TP63: variants seen among roughly 807,000 people sequenced by gnomAD.
The protein encoded by TP63 is tumor protein 63.
TP63 carries 17 observed loss-of-function variants against 82.8 expected under a neutral mutation model. The ratio of observed to expected loss-of-function variants is 0.21; its 90% CI spans 0.14 to 0.31. The LOEUF is 0.31. TP63 is among the 10% of genes least tolerant of loss of function. The probability of loss-of-function intolerance (pLI) is 1.00; values close to 1 mark genes in which losing one functional copy is unlikely to be tolerated. For missense variants in TP63, 648 were observed against 895.3 expected, an observed-to-expected ratio of 0.72 and a Z score of 3.52; for synonymous variants, 330 against 321.7, an observed-to-expected ratio of 1.03 and a Z score of -0.28.
chr3:189,692,333 CTATT>C (rs1716998415), intron 1 of TP63, among the ~76,000 whole-genome samples: 4 of 151,800 alleles, frequency 2.6e-5, no homozygotes, highest in Admixed American at 2.6e-4. Context: ...CCTCTGTTCT[CTATT>C]TCTTTCTTCT....
chr3:189,687,038 G>A (rs886288376), intron 1 of TP63, among the ~76,000 whole-genome samples: 1 of 151,934 alleles, frequency 6.6e-6, no homozygotes, highest in Non-Finnish European at 1.5e-5. Context: ...CAAGGGTCAG[G>A]GTTTTTAATG....
In TP63 at chr3:189,802,441, G is replaced by A. The variant is rs534273780; in HGVS notation, c.325-5831G>A. On this transcript the variant is annotated intron_variant, in intron 3 of 13. Transcript: ENST00000264731. ...ACCTTAGAAAACTGTTTTGAATGTG[G>A]TCTTATAGCATTGTTTTAACGTAGC... Among the ~76,000 whole-genome samples, 41 of 152,262 alleles carry A rather than the reference G, an allele frequency of 2.7e-4. No individual in the cohort carries two copies. In the East Asian group the frequency reaches 5.6e-3, roughly 21 times the overall value.
intron 1 of TP63, among the ~76,000 whole-genome samples, chr3:189,736,837 G>A (rs181495730): frequency 6.6e-6 from 1 of 151,942 alleles, no homozygotes; most frequent in Admixed American, 6.6e-5. Flanking sequence ...TTTATAACAG[G>A]AACAGTAACA....
Position 189,770,559 on chromosome 3 carries a change from C to T in TP63, c.324+31785C>T, listed in dbSNP as rs552400856. Among the ~76,000 whole-genome samples the T allele has an allele frequency of 1.8e-3, 249 of 136,756 alleles. 5 individuals carry two copies. The highest frequency in any genetic ancestry group is 0.017 in the Admixed American group (232 of 13,594). 89.7% of individuals were successfully genotyped at this position (136,756 alleles called of 152,430 possible). A position where few individuals can be genotyped will look rare whatever the true frequency, so the allele number is the denominator to read the frequency against. ...CAGCCTGGCCAACAGAGCAAGACTC[C>T]GTCTCAAAAAAAAAAAAATTACTTT... On this transcript the variant is annotated intron_variant, in intron 3 of 13. Coordinates refer to ENST00000264731, the MANE Select transcript of TP63 (RefSeq NM_003722.5).
At chr3:189,854,791 C>T (rs943687989) in intron 4 of TP63, among the ~76,000 whole-genome samples, 8 of 152,090 alleles carry the variant, frequency 5.3e-5, no homozygotes, top group African/African-American at 1.9e-4. Context: ...AGGGGAACAT[C>T]GTTTTAAATA....
intron 9 of TP63, among the ~76,000 whole-genome samples, chr3:189,870,281 C>T (rs1447139618): frequency 2.6e-5 from 4 of 152,086 alleles, no homozygotes; most frequent in Non-Finnish European, 5.9e-5. Flanking sequence ...TCCATATCTG[C>T]AGATTCAACC....
chr3:189,810,859 CAAA>C (rs11474103), intron 4 of TP63, among the ~76,000 whole-genome samples: 2 of 120,220 alleles, frequency 1.7e-5, no homozygotes, highest in East Asian at 2.6e-4. Context: ...AGTCCGTCTC[CAAA>C]AAAAAAAAAA....
intron 3 of TP63, among the ~76,000 whole-genome samples, chr3:189,780,823 G>A (rs964937028): frequency 1.3e-5 from 2 of 152,186 alleles, no homozygotes; most frequent in East Asian, 1.9e-4. Context: ...CCACCTCTCT[G>A]CTGGCGGTGA....
rs538814032 is a variant in TP63 at position 189,863,089 on chromosome 3, G to A, written c.580-1143G>A. On this transcript the variant is annotated intron_variant, in intron 4 of 13. Coordinates refer to ENST00000264731, the MANE Select transcript of TP63 (RefSeq NM_003722.5). ...GTGAGAGTTAGGGTGGGACATATCA[G>A]TAACGAATCCGATTGCCACTATGGC... is the stretch of plus-strand genomic sequence containing the variant. Among the ~76,000 whole-genome samples, 4 of 152,344 alleles carry A rather than the reference G, an allele frequency of 2.6e-5. No homozygotes were observed. The South Asian group carries it at 8.3e-4, about 32-fold the overall frequency.
At chr3:189,762,853 A>G (rs1269387753) in intron 3 of TP63, among the ~76,000 whole-genome samples, 1 of 152,214 alleles carries the variant, frequency 6.6e-6, no homozygotes, top group African/African-American at 2.4e-5. Context: ...TCAATAAACT[A>G]GATTATTAAT....
chr3:189,796,288 A>G (rs188081491), intron 3 of TP63, among the ~76,000 whole-genome samples: 40 of 152,168 alleles, frequency 2.6e-4, no homozygotes, highest in African/African-American at 9.6e-4. Context: ...TGTAATATGT[A>G]AAGATAAATA....
intron 3 of TP63, among the ~76,000 whole-genome samples, chr3:189,775,043 A>G (rs1298075687): frequency 6.6e-6 from 1 of 151,984 alleles, no homozygotes; most frequent in Non-Finnish European, 1.5e-5. Context: ...ACATAGTGAA[A>G]CCTCGTCTCT....
At chr3:189,739,483 CCTT>C (rs1450365874) in intron 3 of TP63, among the ~76,000 whole-genome samples, 1 of 152,172 alleles carries the variant, frequency 6.6e-6, no homozygotes, top group Non-Finnish European at 1.5e-5. Flanking sequence ...ACTTCTCTAT[CCTT>C]CTTTAATGCA....
intron 1 of TP63, among the ~76,000 whole-genome samples, chr3:189,713,030 T>C (rs1718705638): frequency 1.3e-5 from 2 of 152,130 alleles, no homozygotes; most frequent in Admixed American, 6.6e-5. Context: ...AAGAGCTAGG[T>C]TTGCCTGGGA....
intron 1 of TP63, among the ~76,000 whole-genome samples, chr3:189,632,324 T>C (rs1207023268): frequency 6.6e-6 from 1 of 152,142 alleles, no homozygotes; most frequent in African/African-American, 2.4e-5. Context: ...ATAAGACTAA[T>C]GAGAGAGGTC....
intron 4 of TP63, among the ~76,000 whole-genome samples, chr3:189,858,588 A>G (rs1716609788): frequency 6.6e-6 from 1 of 152,162 alleles, no homozygotes; most frequent in African/African-American, 2.4e-5. Context: ...AAGCTTGGGC[A>G]AAATAGTGAG....
chr3:189,849,038 A>G (rs1394358446), intron 4 of TP63, among the ~76,000 whole-genome samples: 1 of 152,200 alleles, frequency 6.6e-6, no homozygotes, highest in Non-Finnish European at 1.5e-5. Context: ...TTAATCAATC[A>G]TGGCTAGATA....
At position 189,716,378 on chromosome 3, in the gene TP63, C is replaced by G. The variant is rs929955265; in HGVS notation, c.63-21362C>G. On this transcript the variant is annotated intron_variant, in intron 1 of 13. Transcript: ENST00000264731. ...CATAAAATTTGTTTAGATTCTTAGTCACTGGACTTTGTGGAAAGAATGTCA... is the reference window on the plus strand; with the variant it reads ...CATAAAATTTGTTTAGATTCTTAGTGACTGGACTTTGTGGAAAGAATGTCA... 6.2e-4 allele frequency among the ~76,000 whole-genome samples: 95 copies of G among 152,080 alleles called. 1 individual carries two copies. The East Asian group carries it at 0.012, about 19-fold the overall frequency.
intron 4 of TP63, among the ~76,000 whole-genome samples, chr3:189,844,728 T>C (rs887872855): frequency 2.0e-5 from 3 of 152,248 alleles, no homozygotes; most frequent in Non-Finnish European, 4.4e-5. Context: ...ATAATCAGTG[T>C]CTTTGAAGCA....
Sources: gnomAD v4.1 joint callset for allele counts (sites outside exome capture counted in the v4.1 genomes callset) on GRCh38, gnomAD v4.1.1 for gene constraint, MANE v1.5 for transcripts, NCBI Gene and HGNC (gene_info 2026-07-23, HGNC 2026-07-21) for gene names.